SMARCAD1: variants seen among roughly 807,000 people sequenced by gnomAD.
SMARCAD1 encodes the protein SWI/SNF-related matrix-associated actin-dependent regulator of chromatin subfamily A containing DEAD/H box 1.
Under a neutral mutation model 127.1 loss-of-function variants are expected in SMARCAD1, and 25 were observed. The observed-to-expected ratio is 0.20, with a 90% CI of 0.14 to 0.27. The LOEUF (loss-of-function observed/expected upper bound fraction) is 0.27. Ranked by LOEUF, SMARCAD1 falls within the 10% of genes least tolerant of loss-of-function variation. The pLI is 1.00. For missense variants in SMARCAD1, 807 were observed against 1,206.0 expected (o/e 0.67, Z 4.90); for synonymous variants, 400 against 396.9 (o/e 1.01, Z -0.09).
At chr4:94,234,376 G>A (rs61519851) in intron 4 of SMARCAD1, among the ~76,000 whole-genome samples, 4,287 of 152,144 alleles carry the variant, frequency 0.028, 184 homozygotes, top group African/African-American at 0.098. Flanking sequence ...GTTTTTTTGT[G>A]TTTGAATGTT....
At chr4:94,289,410 A>C in intron 23 of SMARCAD1, 63 bp from the exon 24 acceptor site, 8 of 1,415,712 alleles carry the variant, frequency 5.7e-6, no homozygotes, top group Non-Finnish European at 6.0e-6. Context: ...AAAATAATTG[A>C]GACAATTTTT....
rs142934485 is a variant in SMARCAD1 at position 94,240,946 on chromosome 4, G to A, written c.645G>A (p.Glu215=). The change falls in exon 6 of 24, where the codon GAG becomes GAA. Residue 215 remains glutamate, a synonymous_variant. Coordinates refer to ENST00000354268, the MANE Select transcript of SMARCAD1 (RefSeq NM_020159.5). ...AAAGAAAATTATCTTCTTCTTCAGA[G>A]CCATATGAGGAAGATGAATTTAATG... The part of the protein sequence containing the change: ...PRKRKLSSSS[E]PYEEDEFNDD... The A allele has an allele frequency of 1.9e-6, 3 of 1,613,392 alleles. No homozygotes were observed. The African/African-American group carries it at 4.0e-5, about 22-fold the overall frequency.
At chr4:94,249,352 T>C (rs1431096333) in intron 6 of SMARCAD1, among the ~76,000 whole-genome samples, 1 of 151,440 alleles carries the variant, frequency 6.6e-6, no homozygotes, top group Non-Finnish European at 1.5e-5. Context: ...ACTTGAATTA[T>C]ATTGAGTTAA....
At chr4:94,255,384 T>C (rs1435497551) in intron 9 of SMARCAD1, among the ~76,000 whole-genome samples, 2 of 152,028 alleles carry the variant, frequency 1.3e-5, no homozygotes, top group Admixed American at 6.5e-5. Flanking sequence ...GTGAGGTTTC[T>C]TTAACGTTGG....
At chr4:94,238,966 A>G (rs373714817) in intron 5 of SMARCAD1, among the ~76,000 whole-genome samples, 35 of 152,334 alleles carry the variant, frequency 2.3e-4, no homozygotes, top group African/African-American at 8.2e-4. Flanking sequence ...AGAGTTTACA[A>G]TCATTAAATT....
intron 10 of SMARCAD1, 102 bp from the exon 11 acceptor site, chr4:94,270,626 A>T: frequency 1.1e-6 from 1 of 922,994 alleles, no homozygotes. Flanking sequence ...TTAAAAGGTA[A>T]GATTAGACCT....
chr4:94,244,211 C>T (rs1748049883), intron 6 of SMARCAD1, among the ~76,000 whole-genome samples: 1 of 152,128 alleles, frequency 6.6e-6, no homozygotes, highest in Admixed American at 6.5e-5. Context: ...TATACACAGA[C>T]CTAAAATAGA....
chr4:94,281,626 T>G (rs765003415), intron 21 of SMARCAD1, 36 bp downstream of exon 21: 7 of 1,251,836 alleles, frequency 5.6e-6, no homozygotes, highest in Non-Finnish European at 5.9e-6. Context: ...AAAAAATAAC[T>G]CATTTATTAT....
Position 94,252,983 on chromosome 4 carries a change from G to A in SMARCAD1, c.1257G>A (p.Arg419=). 6.2e-7 allele frequency: 1 copy of A among 1,613,234 alleles called. No individual in the cohort carries two copies. The highest frequency in any genetic ancestry group is 8.5e-7 in the Non-Finnish European group (1 of 1,179,982). ...AGGCTCAGAAGATAACAGAACTCCG[G>A]CCCTTTAATAGTTGGGAGGCTCTGG... The part of the protein sequence containing the change: ...QKKAQKITEL[R]PFNSWEALFT... The change falls in exon 9 of 24, where the codon CGG becomes CGA. Residue 419 remains arginine (R), a synonymous_variant. Coordinates refer to ENST00000354268, the MANE Select transcript of SMARCAD1 (RefSeq NM_020159.5).
intron 9 of SMARCAD1, among the ~76,000 whole-genome samples, chr4:94,261,625 G>GTTTT (rs1169402692): frequency 2.0e-5 from 3 of 152,120 alleles, no homozygotes; most frequent in Non-Finnish European, 4.4e-5. Flanking sequence ...TTGTTTGTTT[G>GTTTT]TTTTTGAGAC....
intron 5 of SMARCAD1, among the ~76,000 whole-genome samples, chr4:94,239,963 T>C (rs1747329084): frequency 6.6e-6 from 1 of 152,224 alleles, no homozygotes; most frequent in African/African-American, 2.4e-5. Flanking sequence ...CTTAAAATAT[T>C]ACATTTAGAA....
intron 12 of SMARCAD1, 29 bp downstream of exon 12, chr4:94,273,745 A>G: frequency 6.5e-7 from 1 of 1,542,804 alleles, no homozygotes; most frequent in Non-Finnish European, 9.0e-7. Context: ...AACTGTATTT[A>G]ACTTTATCAT....
intron 9 of SMARCAD1, among the ~76,000 whole-genome samples, chr4:94,263,999 CTA>C (rs1751382373): frequency 1.3e-5 from 2 of 151,818 alleles, no homozygotes; most frequent in South Asian, 4.1e-4. Context: ...ATAAATACAA[CTA>C]TATTTTGAAA....
chr4:94,244,148 C>G (rs1748040173), intron 6 of SMARCAD1, among the ~76,000 whole-genome samples: 1 of 152,130 alleles, frequency 6.6e-6, no homozygotes, highest in Admixed American at 6.5e-5. Flanking sequence ...GATTCAAGAC[C>G]AAAGGGTGAA....
chr4:94,276,561 G>A, intron 15 of SMARCAD1, 87 bp downstream of exon 15: 2 of 1,475,730 alleles, frequency 1.4e-6, no homozygotes, highest in African/African-American at 1.4e-5. Context: ...AGCAGAATCT[G>A]TATTATGTAG....
At chr4:94,274,024 A>C (rs994783232) in intron 12 of SMARCAD1, among the ~76,000 whole-genome samples, 2 of 152,232 alleles carry the variant, frequency 1.3e-5, no homozygotes, top group Non-Finnish European at 1.5e-5. Flanking sequence ...AGTACTTTTA[A>C]ATGTAGAATT....
intron 11 of SMARCAD1, among the ~76,000 whole-genome samples, chr4:94,272,695 T>G (rs894340201): frequency 2.0e-5 from 3 of 152,236 alleles, no homozygotes; most frequent in Non-Finnish European, 4.4e-5. Flanking sequence ...TGTTTTTGTT[T>G]TTTTAAATTG....
At chr4:94,285,630 C>G (rs1754828680) in intron 23 of SMARCAD1, among the ~76,000 whole-genome samples, 1 of 152,134 alleles carries the variant, frequency 6.6e-6, no homozygotes, top group South Asian at 2.1e-4. Flanking sequence ...ATATTAGGCA[C>G]TCTGTTCTGT....
chr4:94,272,218 T>A (rs1369995151), intron 11 of SMARCAD1, among the ~76,000 whole-genome samples: 1 of 152,204 alleles, frequency 6.6e-6, no homozygotes, highest in Non-Finnish European at 1.5e-5. Context: ...TAGCCTTAAT[T>A]TCCTCCTGAA....
Sources: gnomAD v4.1 joint callset for allele counts (sites outside exome capture counted in the v4.1 genomes callset) on GRCh38, gnomAD v4.1.1 for gene constraint, MANE v1.5 for transcripts, NCBI Gene and HGNC (gene_info 2026-07-23, HGNC 2026-07-21) for gene names.